FGD5: variants seen among roughly 807,000 people sequenced by gnomAD.
FGD5 encodes the protein FYVE, RhoGEF and PH domain-containing protein 5.
A neutral mutation model predicts 133.4 loss-of-function variants in FGD5; 28 were observed. The ratio of observed to expected loss-of-function variants is 0.21; its 90% confidence interval spans 0.16 to 0.29. The LOEUF is 0.29. FGD5 is among the 10% of genes least tolerant of loss of function. The probability of loss-of-function intolerance (pLI) is 1.00; values close to 1 mark genes in which losing one functional copy is unlikely to be tolerated. For synonymous variants in FGD5, 810 were observed against 776.5 expected (o/e 1.04, Z -0.72); for missense variants, 1,858 against 1,895.2 (o/e 0.98, Z 0.36).
chr3:14,845,239 G>C (rs1317948562), intron 1 of FGD5, among the ~76,000 whole-genome samples: 1 of 152,194 alleles, frequency 6.6e-6, no homozygotes, highest in South Asian at 2.1e-4. Flanking sequence ...CTAGACAGCA[G>C]GAAGGGTTTC....
rs1480026475 is a variant in FGD5 at position 14,922,238 on chromosome 3, T to C, written c.3670-173T>C. 9.0e-7 allele frequency: 1 copy of C among 1,107,490 alleles called. No homozygotes were observed. The allele number at this position is 1,107,490 out of a possible 1,614,324, so 68.6% of individuals were successfully genotyped here. ...GTCTTGTTCTCACAGTCTGGCTGTT[T>C]CCCAACCAAGGGTGAGCATCCTGGA... On this transcript the variant is annotated intron_variant, in intron 14 of 19. Coordinates refer to ENST00000285046, the MANE Select transcript of FGD5 (RefSeq NM_152536.4). This position sits in a 1 kb window ranked among gnomAD's most constrained non-coding sequence, Gnocchi z 4.1.
chr3:14,890,339 G>C (rs1022392585), intron 4 of FGD5, among the ~76,000 whole-genome samples: 1 of 152,144 alleles, frequency 6.6e-6, no homozygotes, highest in Non-Finnish European at 1.5e-5. Context: ...TTTACTCCTG[G>C]CTTTGGAAGA....
intron 1 of FGD5, chr3:14,811,361 A>G (rs1248870017): frequency 1.3e-5 from 2 of 152,328 alleles, no homozygotes; most frequent in East Asian, 3.9e-4. Context: ...GGCATACCGG[A>G]AGGAGGATTC....
At position 14,917,189 on chromosome 3, in the gene FGD5, C is replaced by A; in HGVS notation, c.3406-60C>A. ...GCGGAGCTCAGGGATCCTTTGAGGA[C>A]AGAAGCCTGGCGCAGCCTTCTGGGG... On this transcript the variant is annotated intron_variant, in intron 11 of 19. Transcript: ENST00000285046. The surrounding 1 kb of genome is among the most constrained non-coding windows in gnomAD (Gnocchi z 4.1). 1 of 1,490,206 alleles carries A rather than the reference C, an allele frequency of 6.7e-7. No homozygotes were observed. Among genetic ancestry groups the A allele is most frequent in the Non-Finnish European group, 9.2e-7 (1 of 1,085,102 alleles). 92.3% of individuals were successfully genotyped at this position (1,490,206 alleles called of 1,614,324 possible).
At chr3:14,833,598 G>T (rs1030491619) in intron 1 of FGD5, among the ~76,000 whole-genome samples, 2 of 152,062 alleles carry the variant, frequency 1.3e-5, no homozygotes, top group Non-Finnish European at 2.9e-5. Flanking sequence ...GGTCATTTTT[G>T]GCTGGCAGAT....
In FGD5 at chr3:14,917,219, G is replaced by T; in HGVS notation, c.3406-30G>T. The T allele has an allele frequency of 6.2e-7, 1 of 1,601,114 alleles. No individual in the cohort carries two copies. Among genetic ancestry groups the T allele is most frequent in the Non-Finnish European group, 8.5e-7 (1 of 1,172,436 alleles). ...GCCTGGCGCAGCCTTCTGGGGCCAG[G>T]GTCCTCTCATAGGGTTTCCCTCTCT... On this transcript the variant is annotated intron_variant, in intron 11 of 19. Transcript: ENST00000285046. The surrounding 1 kb of genome is among the most constrained non-coding windows in gnomAD (Gnocchi z 4.1).
At chr3:14,898,340 T>C (rs922893343) in intron 6 of FGD5, among the ~76,000 whole-genome samples, 2 of 152,134 alleles carry the variant, frequency 1.3e-5, no homozygotes, top group Admixed American at 1.3e-4. Context: ...AGGGTAGTTT[T>C]CTTGTCTCAG....
At position 14,897,979 on chromosome 3, in the gene FGD5, G is replaced by A. The variant is rs749615737; in HGVS notation, c.2950G>A (p.Glu984Lys). The stretch of plus-strand genomic sequence containing the variant: ...GGTAGCTGACGTCTTCCTGGCCCGG[G>A]AGCAGGGGTTTGATCACCACGCCAC... ...QKVADVFLAR[E>K]QGFDHHATHI... The change falls in exon 6 of 20, where the codon GAG becomes AAG. Residue 984 changes from glutamate (E) to lysine (K), a missense_variant. Transcript: ENST00000285046. 96 of 1,613,828 alleles carry A rather than the reference G, an allele frequency of 5.9e-5. No individual in the cohort carries two copies. The highest frequency in any genetic ancestry group is 7.9e-5 in the Non-Finnish European group (93 of 1,179,884).
At chr3:14,812,849 C>CCAG (rs1380510126) in intron 1 of FGD5, among the ~76,000 whole-genome samples, 1 of 152,220 alleles carries the variant, frequency 6.6e-6, no homozygotes, top group Admixed American at 6.5e-5. Flanking sequence ...AGCAGAGCAA[C>CCAG]CAGTAAATAC....
intron 4 of FGD5, among the ~76,000 whole-genome samples, chr3:14,896,483 T>TA (rs1559497417): frequency 4.0e-5 from 6 of 150,756 alleles, no homozygotes; most frequent in South Asian, 2.1e-4. Flanking sequence ...TTTTTTTTTT[T>TA]TTTTGAGACG....
chr3:14,819,270 G>C lies in FGD5; in HGVS notation c.199G>C (p.Val67Leu). The stretch of plus-strand genomic sequence containing the variant: ...GTCGGAGACCGACGAGGATTACATC[G>C]TGGTCCCCAGGGTTCCGCTGAGGGA... ...SESETDEDYI[V>L]VPRVPLREDE... Residue 67 changes from valine (V) to leucine (L), a missense_variant, in exon 1 of 20, where the codon GTG becomes CTG. Val to Leu is a conservative substitution (Grantham distance 32). This residue lies in a region of FGD5 where 1,824 missense variants were observed against 1,848.9 expected (regional missense o/e 0.99). Coordinates refer to ENST00000285046, the MANE Select transcript of FGD5 (RefSeq NM_152536.4). This position sits in a 1 kb window ranked among gnomAD's most constrained non-coding sequence, Gnocchi z 4.1. 6.5e-7 allele frequency: 1 copy of C among 1,533,602 alleles called. No individual in the cohort carries two copies. Among genetic ancestry groups the C allele is most frequent in the Non-Finnish European group, 8.8e-7 (1 of 1,138,084 alleles). The allele number at this position is 1,533,602 out of a possible 1,614,324, so 95.0% of individuals were successfully genotyped here.
intron 2 of FGD5, among the ~76,000 whole-genome samples, chr3:14,865,653 C>T (rs547347043): frequency 7.2e-5 from 11 of 152,276 alleles, no homozygotes; most frequent in African/African-American, 2.6e-4. Flanking sequence ...TGACTCCTTA[C>T]AACAACTTCA....
chr3:14,896,620 G>A (rs376683926), intron 4 of FGD5, among the ~76,000 whole-genome samples: 3 of 151,936 alleles, frequency 2.0e-5, no homozygotes, highest in Non-Finnish European at 4.4e-5. Flanking sequence ...ACAGGCATGC[G>A]CAACCACACC....
Position 14,900,984 on chromosome 3 carries a change from G to T in FGD5, c.3206-19G>T, listed in dbSNP as rs2038227633. On this transcript the variant is annotated intron_variant, in intron 8 of 19. Transcript: ENST00000285046. ...CCCCTCTTGCAATGGCCCAACTCCT[G>T]CTCTGTGTCCCTCCCCAGGTGCACT... 1.2e-6 allele frequency: 2 copies of T among 1,614,028 alleles called. No individual in the cohort carries two copies. Among genetic ancestry groups the T allele is most frequent in the Non-Finnish European group, 1.7e-6 (2 of 1,179,872 alleles).
intron 2 of FGD5, among the ~76,000 whole-genome samples, chr3:14,868,185 C>G (rs1000898066): frequency 3.3e-5 from 5 of 152,188 alleles, no homozygotes; most frequent in African/African-American, 9.7e-5. Flanking sequence ...GTCGGCCCTC[C>G]CTGACAATGA....
intron 1 of FGD5, among the ~76,000 whole-genome samples, chr3:14,813,847 A>G (rs1017490324): frequency 5.9e-5 from 9 of 152,204 alleles, no homozygotes; most frequent in Admixed American, 5.2e-4. Context: ...CATAGCCAAC[A>G]AGGGAGCAGC....
chr3:14,821,407 C>T lies in FGD5; in HGVS notation c.2336C>T (p.Ala779Val), dbSNP rs748068430. 6.2e-7 allele frequency: 1 copy of T among 1,614,022 alleles called. No individual in the cohort carries two copies. The highest frequency in any genetic ancestry group is 1.1e-5 in the South Asian group (1 of 91,090). Reference protein sequence around the residue: ...ADTSDYENIPAMNSDYENIQI... With the variant: ...ADTSDYENIPVMNSDYENIQI... The stretch of plus-strand genomic sequence containing the variant: ...ACTTCAGACTATGAGAACATTCCAG[C>T]CATGAACTCGGACTATGAGAATATC... Residue 779 changes from alanine to valine, a missense_variant, in exon 1 of 20, where the codon GCC (alanine) becomes GTC (valine). Physicochemically the swap from Ala to Val is moderately conservative, Grantham distance 64. This residue lies in a region of FGD5 where 1,824 missense variants were observed against 1,848.9 expected (regional missense o/e 0.99). Transcript: ENST00000285046.
intron 1 of FGD5, among the ~76,000 whole-genome samples, chr3:14,838,379 G>A (rs1038336001): frequency 3.9e-5 from 6 of 152,122 alleles, no homozygotes; most frequent in African/African-American, 1.4e-4. Context: ...CCTTAAGTAC[G>A]TCTGCAAAGC....
intron 1 of FGD5, chr3:14,810,924 G>A: frequency 1.0e-6 from 1 of 984,506 alleles, no homozygotes; most frequent in Non-Finnish European, 1.2e-6. Context: ...CCGGCCGGGC[G>A]CTCCAAGTTG....
Sources: allele counts gnomAD v4.1 joint callset (sites outside exome capture counted in the v4.1 genomes callset), GRCh38; gene constraint gnomAD v4.1.1; regional missense constraint gnomAD v4.1.1; non-coding constraint Gnocchi (gnomAD v3.1); transcripts MANE v1.5; gene names NCBI Gene and HGNC (gene_info 2026-07-23, HGNC 2026-07-21).